FRY: variants seen among roughly 807,000 people sequenced by gnomAD.
FRY encodes the protein protein furry homolog.
In FRY, 128 loss-of-function variants were observed where a neutral mutation model predicts 348.4. The observed-to-expected ratio is 0.37, with a 90% CI of 0.32 to 0.43. The LOEUF (loss-of-function observed/expected upper bound fraction) is 0.43. FRY is among the 20% of genes least tolerant of loss of function. The pLI is 1.00. For synonymous variants in FRY, 1,370 were observed against 1,374.7 expected (o/e 1.00, Z 0.08); for missense variants, 2,736 against 3,695.2 (o/e 0.74, Z 6.73).
intron 2 of FRY, among the ~76,000 whole-genome samples, chr13:32,084,532 CT>C (rs1875725525): frequency 6.6e-6 from 1 of 152,188 alleles, no homozygotes; most frequent in Non-Finnish European, 1.5e-5. Flanking sequence ...GGCTTGATTT[CT>C]TCCCTGCTAT....
chr13:32,092,832 T>C (rs1323877304), intron 2 of FRY, among the ~76,000 whole-genome samples: 1 of 152,212 alleles, frequency 6.6e-6, no homozygotes, highest in African/African-American at 2.4e-5. Context: ...TGGTCCGTTT[T>C]ATAGCTCCAC....
At chr13:32,045,559 T>C (rs895805189) in intron 1 of FRY, among the ~76,000 whole-genome samples, 1 of 152,234 alleles carries the variant, frequency 6.6e-6, no homozygotes, top group Non-Finnish European at 1.5e-5. Flanking sequence ...GCAAGCACAC[T>C]GAATAATTAA....
intron 1 of FRY, among the ~76,000 whole-genome samples, chr13:32,065,418 G>A (rs999986104): frequency 1.3e-4 from 20 of 151,790 alleles, no homozygotes; most frequent in Non-Finnish European, 1.5e-4. Flanking sequence ...CAGTTCTCAT[G>A]CCTCAGCCTC....
chr13:32,244,381 C>T (rs914162409), intron 47 of FRY, among the ~76,000 whole-genome samples, 199 bp downstream of exon 47: 1 of 152,124 alleles, frequency 6.6e-6, no homozygotes, highest in African/African-American at 2.4e-5. Flanking sequence ...CACAAGACCC[C>T]GGCACACTCC....
intron 31 of FRY, 152 bp downstream of exon 31, chr13:32,202,679 T>C (rs924547115): frequency 1.9e-4 from 140 of 747,560 alleles, no homozygotes; most frequent in East Asian, 3.0e-4. Flanking sequence ...CCAGGCACGA[T>C]GCCACGCATT....
At chr13:32,099,671 T>C (rs371300141) in intron 2 of FRY, among the ~76,000 whole-genome samples, 1 of 152,060 alleles carries the variant, frequency 6.6e-6, no homozygotes, top group East Asian at 1.9e-4. Context: ...AAAAATTTCT[T>C]TCTGAAATGC....
Position 32,265,672 on chromosome 13 carries a change from G to A in FRY, c.7946+56G>A, listed in dbSNP as rs1887885703. On this transcript the variant is annotated intron_variant, in intron 54 of 60. Transcript: ENST00000542859. The stretch of plus-strand genomic sequence containing the variant: ...GTGAATGTGCATGGTACATTATATG[G>A]CATTCACACTCAAGTTAAGTGTCAC... 4 of 1,511,808 alleles carry A rather than the reference G, an allele frequency of 2.6e-6. No homozygotes were observed. The African/African-American group carries it at 4.1e-5, about 16-fold the overall frequency. The allele number at this position is 1,511,808 out of a possible 1,614,324, so 93.6% of individuals were successfully genotyped here.
chr13:32,251,148 A>G (rs543785593), intron 49 of FRY, among the ~76,000 whole-genome samples: 4 of 152,246 alleles, frequency 2.6e-5, no homozygotes, highest in Non-Finnish European at 5.9e-5. Flanking sequence ...TAAAGAGATT[A>G]GGAAGATTGC....
chr13:32,147,931 T>C lies in FRY; in HGVS notation c.1376T>C (p.Ile459Thr), dbSNP rs376738902. Reference protein sequence around the residue: ...DMPLNIFVKIIQFIAQERLDF... With the variant: ...DMPLNIFVKITQFIAQERLDF... ...CCTCTGAACATCTTTGTGAAAATCA[T>C]CCAGTTCATTGCCCAGGTAATGGAG... Residue 459 changes from isoleucine to threonine, a missense_variant, in exon 13 of 61, where the codon ATC becomes ACC. Coordinates refer to ENST00000542859, the MANE Select transcript of FRY (RefSeq NM_023037.3). The C allele has an allele frequency of 4.4e-6, 7 of 1,587,130 alleles. No homozygotes were observed. The highest frequency in any genetic ancestry group is 4.3e-6 in the Non-Finnish European group (5 of 1,155,384).
intron 1 of FRY, among the ~76,000 whole-genome samples, chr13:32,077,160 G>A (rs1358290148): frequency 4.6e-5 from 7 of 152,164 alleles, no homozygotes; most frequent in African/African-American, 1.7e-4. Context: ...GCATCAGCAG[G>A]ACTTGGGTGA....
intron 4 of FRY, among the ~76,000 whole-genome samples, chr13:32,123,981 T>A (rs938732505): frequency 6.6e-6 from 1 of 152,098 alleles, no homozygotes; most frequent in Non-Finnish European, 1.5e-5. Flanking sequence ...ATTACAGGCA[T>A]GGGCTACCAT....
chr13:32,069,117 G>C (rs1421531655), intron 1 of FRY, among the ~76,000 whole-genome samples: 2 of 151,974 alleles, frequency 1.3e-5, no homozygotes, highest in Non-Finnish European at 1.5e-5. Context: ...GGGTTTCACT[G>C]TGTTAGCCAG....
rs1879010024 is a variant in FRY at position 32,126,239 on chromosome 13, A to G, written c.716+1364A>G. 5.3e-5 allele frequency among the ~76,000 whole-genome samples: 8 copies of G among 149,822 alleles called. 1 individual carries two copies. In the Admixed American group the frequency reaches 5.4e-4, roughly 10 times the overall value. On this transcript the variant is annotated intron_variant, in intron 7 of 60. Transcript: ENST00000542859. Reference sequence around the variant, plus strand: ...TCAAACCCTGAAAATCTCAACATAAACTTTCAGCTGTCATTTGGAAACTTC... The same window carrying G: ...TCAAACCCTGAAAATCTCAACATAAGCTTTCAGCTGTCATTTGGAAACTTC...
intron 47 of FRY, 125 bp from the exon 48 acceptor site, chr13:32,247,198 C>A (rs555550433): frequency 9.6e-6 from 7 of 729,956 alleles, no homozygotes; most frequent in Non-Finnish European, 1.7e-5. Context: ...TCTCATGGAA[C>A]CTGCTGCGCT....
intron 59 of FRY, among the ~76,000 whole-genome samples, chr13:32,291,810 G>T (rs889838200): frequency 6.6e-6 from 1 of 152,146 alleles, no homozygotes; most frequent in South Asian, 2.1e-4. Flanking sequence ...ACTTTGAGAG[G>T]CTCAAGACTT....
At chr13:32,041,474 A>G (rs1175897746) in intron 1 of FRY, among the ~76,000 whole-genome samples, 1 of 151,784 alleles carries the variant, frequency 6.6e-6, no homozygotes, top group Non-Finnish European at 1.5e-5. Context: ...TTGTATTTTT[A>G]GTGGAGACGG....
rs373974518 is a variant in FRY, at chr13:32,171,239, A to G, written c.2120A>G (p.Tyr707Cys). ...GTCATCCAGACACAAGGAAAAGTCT[A>G]TGAACAAGCCAACAAAATCAGAAAT... ...KLVIQTQGKV[Y>C]EQANKIRNSE... is the part of the protein sequence containing the mutation. Residue 707 changes from tyrosine (Y) to cysteine (C), a missense_variant, in exon 18 of 61, where the codon TAT becomes TGT. Physicochemically the swap from Tyr to Cys is radical, Grantham distance 194. Transcript: ENST00000542859. 10 of 1,612,550 alleles carry G rather than the reference A, an allele frequency of 6.2e-6. No individual in the cohort carries two copies. The East Asian group carries it at 6.7e-5, about 11-fold the overall frequency.
rs1566185972 is a variant in FRY, at chr13:32,273,091, A to G, written c.8137-1751A>G. ...TTTTTTGTTTTTTGTTTTTCCCCTCAGGTAGTGTAGGAGGAGCAGTAACCT... is the reference window on the plus strand; with the variant it reads ...TTTTTTGTTTTTTGTTTTTCCCCTCGGGTAGTGTAGGAGGAGCAGTAACCT... On this transcript the variant is annotated intron_variant, in intron 55 of 60. Transcript: ENST00000542859. Among the ~76,000 whole-genome samples the G allele has an allele frequency of 2.0e-5, 3 of 151,918 alleles. No individual in the cohort carries two copies. In the South Asian group the frequency reaches 6.2e-4, roughly 32 times the overall value.
At chr13:32,248,361 A>G (rs1886904311) in intron 48 of FRY, among the ~76,000 whole-genome samples, 1 of 152,186 alleles carries the variant, frequency 6.6e-6, no homozygotes, top group Admixed American at 6.5e-5. Flanking sequence ...GGAGGGGAAC[A>G]TCACACACCG....
Sources: gnomAD v4.1 joint callset for allele counts (sites outside exome capture counted in the v4.1 genomes callset) on GRCh38, gnomAD v4.1.1 for gene constraint, MANE v1.5 for transcripts, NCBI Gene and HGNC (gene_info 2026-07-23, HGNC 2026-07-21) for gene names.